ZNF827: variants seen among roughly 807,000 people sequenced by gnomAD.
ZNF827 encodes zinc finger protein 827.
A neutral mutation model predicts 102.4 loss-of-function variants in ZNF827; 13 were observed. The ratio of observed to expected loss-of-function variants is 0.13; its 90% confidence interval spans 0.08 to 0.20. The LOEUF (loss-of-function observed/expected upper bound fraction) is 0.20, where lower values mean the gene tolerates loss of function less well. Among genes scored for constraint, ZNF827 ranks in the 10% least tolerant of loss-of-function variants. The pLI is 1.00. For missense variants in ZNF827, 1,103 were observed against 1,344.4 expected, an observed-to-expected ratio of 0.82 and a Z score of 2.81; for synonymous variants, 523 against 536.2, an observed-to-expected ratio of 0.98 and a Z score of 0.34.
intron 4 of ZNF827, among the ~76,000 whole-genome samples, chr4:145,871,542 T>G (rs752782356): frequency 4.6e-5 from 7 of 152,208 alleles, no homozygotes; most frequent in Admixed American, 2.6e-4. Flanking sequence ...TAAGAGTCCA[T>G]GAGGTAGGAA....
intron 7 of ZNF827, among the ~76,000 whole-genome samples, chr4:145,827,885 G>A (rs373013114): frequency 3.7e-4 from 56 of 152,268 alleles, no homozygotes; most frequent in Middle Eastern, 6.8e-3. Context: ...ATCATATTCC[G>A]TAAGTTCTTT....
chr4:145,933,454 C>T (rs905842652), intron 1 of ZNF827, among the ~76,000 whole-genome samples: 6 of 152,166 alleles, frequency 3.9e-5, no homozygotes, highest in Non-Finnish European at 5.9e-5. Flanking sequence ...CTTTCTCTTT[C>T]ATTAGACATA....
chr4:145,870,168 A>C (rs1748552938), intron 5 of ZNF827, 77 bp downstream of exon 5: 2 of 1,398,980 alleles, frequency 1.4e-6, no homozygotes, highest in African/African-American at 1.4e-5. Flanking sequence ...GGTTAATTAT[A>C]ACCCATGCAG....
intron 5 of ZNF827, among the ~76,000 whole-genome samples, chr4:145,859,103 G>A (rs981345978): frequency 1.8e-4 from 27 of 152,260 alleles, no homozygotes; most frequent in African/African-American, 6.3e-4. Context: ...GGCAGGGAAG[G>A]GCTGATAAAC....
intron 4 of ZNF827, among the ~76,000 whole-genome samples, chr4:145,884,894 T>C (rs1749978471): frequency 6.6e-6 from 1 of 152,130 alleles, no homozygotes; most frequent in Admixed American, 6.5e-5. Flanking sequence ...TTCCACTTTA[T>C]ATGAGGTCCC....
chr4:145,867,197 C>T (rs975041518), intron 5 of ZNF827, among the ~76,000 whole-genome samples: 17 of 152,184 alleles, frequency 1.1e-4, no homozygotes, highest in African/African-American at 4.1e-4. Context: ...ATTTACTTGG[C>T]CCAGCTGTCA....
intron 1 of ZNF827, among the ~76,000 whole-genome samples, chr4:145,929,411 G>A (rs1753649627): frequency 6.6e-6 from 1 of 152,114 alleles, no homozygotes; most frequent in Non-Finnish European, 1.5e-5. Context: ...AGTGTCTAAA[G>A]GAGGATTTAG....
Position 145,938,464 on chromosome 4 carries a change from G to A in ZNF827, c.-57C>T. The A allele has an allele frequency of 1.9e-6, 3 of 1,555,162 alleles. No homozygotes were observed. The highest frequency in any genetic ancestry group is 1.1e-5 in the South Asian group (1 of 87,312). ...TTAATGTGAGATCAAATAAACCCCC[G>A]TGGGGGCAGAGAGGCAGACACTGGC... On this transcript the variant is annotated 5_prime_UTR_variant, in exon 1 of 15. The change creates a new upstream start codon in the 5' untranslated region. Transcript: ENST00000508784.
Position 145,849,247 on chromosome 4 carries a change from T to A in ZNF827, c.2221+75A>T, listed in dbSNP as rs201656317. The A allele has an allele frequency of 7.6e-4, 1,142 of 1,494,996 alleles. 2 individuals carry two copies. The East Asian group carries it at 0.014, about 18-fold the overall frequency. 92.6% of individuals were successfully genotyped at this position (1,494,996 alleles called of 1,614,324 possible). A position where few individuals can be genotyped will look rare whatever the true frequency, so the allele number is the denominator to read the frequency against. ...AATCCTATAATTCAGGTTTTTTTTT[T>A]TAAAAAAAACTGTGTTAGAAGGGTT... On this transcript the variant is annotated intron_variant, in intron 6 of 14. Transcript: ENST00000508784.
rs534298431 is a variant in ZNF827 at position 145,843,008 on chromosome 4, G to A, written c.2279+2948C>T. ...AAAGCATAATCCACACACTGATCTT[G>A]TACCTGCAGAGTAAGAGTTCCTTCT... On this transcript the variant is annotated intron_variant, in intron 7 of 14. Transcript: ENST00000508784. 3.9e-5 allele frequency among the ~76,000 whole-genome samples: 6 copies of A among 152,258 alleles called. No homozygotes were observed. In the South Asian group the frequency reaches 1.2e-3, roughly 32 times the overall value.
chr4:145,826,697 T>C (rs1416948982), intron 7 of ZNF827, among the ~76,000 whole-genome samples: 3 of 152,220 alleles, frequency 2.0e-5, no homozygotes, highest in Non-Finnish European at 4.4e-5. Context: ...GGAAAAAGCA[T>C]TGTGTATATA....
intron 11 of ZNF827, among the ~76,000 whole-genome samples, chr4:145,772,145 T>A (rs996729605): frequency 6.6e-6 from 1 of 152,172 alleles, no homozygotes; most frequent in Non-Finnish European, 1.5e-5. Context: ...ATCTGAATAG[T>A]TTTCTTACTT....
At chr4:145,829,896 C>T (rs1442856807) in intron 7 of ZNF827, among the ~76,000 whole-genome samples, 1 of 152,180 alleles carries the variant, frequency 6.6e-6, no homozygotes, top group Non-Finnish European at 1.5e-5. Context: ...ATTTTAAAAA[C>T]TCTGACCTTT....
intron 8 of ZNF827, among the ~76,000 whole-genome samples, chr4:145,806,802 T>G (rs139460758): frequency 1.8e-3 from 267 of 152,336 alleles, no homozygotes; most frequent in African/African-American, 6.3e-3. Flanking sequence ...CCTAAGTCAC[T>G]GATACTTATG....
intron 1 of ZNF827, among the ~76,000 whole-genome samples, chr4:145,930,343 T>A (rs1567219): frequency 1 from 152,250 of 152,334 alleles, 76,083 homozygotes; most frequent in Middle Eastern, 1. Context: ...ACTCAAAACA[T>A]TTCACCCTGA....
intron 11 of ZNF827, among the ~76,000 whole-genome samples, chr4:145,769,938 C>G (rs535218668): frequency 1.3e-5 from 2 of 152,310 alleles, no homozygotes; most frequent in South Asian, 4.1e-4. Context: ...TTTTAGAGTA[C>G]TTTTCATTCT....
intron 8 of ZNF827, among the ~76,000 whole-genome samples, chr4:145,793,899 G>A (rs890955560): frequency 2.0e-5 from 3 of 152,114 alleles, no homozygotes; most frequent in African/African-American, 7.2e-5. Context: ...CTTGAGATGT[G>A]GATAAGCTAA....
At chr4:145,823,179 G>A (rs757686960) in intron 8 of ZNF827, among the ~76,000 whole-genome samples, 1 of 152,046 alleles carries the variant, frequency 6.6e-6, no homozygotes. Context: ...TCATTATGTG[G>A]GTGAAATATC....
chr4:145,763,510 G>A lies in ZNF827; in HGVS notation c.3231-388C>T, dbSNP rs1411607336. Among the ~76,000 whole-genome samples the A allele has an allele frequency of 6.6e-6, 1 of 152,216 alleles. No individual in the cohort carries two copies. Among genetic ancestry groups the A allele is most frequent in the Non-Finnish European group, 1.5e-5 (1 of 68,040 alleles). ...GGTTAGCACCGCACGGGAAGTGTCTGTACCAGCAAAAGCATCAGAATTCAC... is the reference window on the plus strand; with the variant it reads ...GGTTAGCACCGCACGGGAAGTGTCTATACCAGCAAAAGCATCAGAATTCAC... On this transcript the variant is annotated intron_variant, in intron 13 of 14. Coordinates refer to ENST00000508784, the MANE Select transcript of ZNF827 (RefSeq NM_001306215.2). This position sits in a 1 kb window ranked among gnomAD's most constrained non-coding sequence, Gnocchi z 4.6.
Sources: allele counts gnomAD v4.1 joint callset (sites outside exome capture counted in the v4.1 genomes callset), GRCh38; gene constraint gnomAD v4.1.1; non-coding constraint Gnocchi (gnomAD v3.1); transcripts MANE v1.5; gene names NCBI Gene and HGNC (gene_info 2026-07-23, HGNC 2026-07-21).